Variants in SCYL2 observed in about 807,000 individuals in gnomAD.
SCYL2 encodes SCY1-like protein 2.
A neutral mutation model predicts 100.4 loss-of-function variants in SCYL2; 36 were observed. The observed-to-expected ratio is 0.36, with a 90% CI of 0.27 to 0.47. The LOEUF (loss-of-function observed/expected upper bound fraction) is 0.47, where lower values mean the gene tolerates loss of function less well. Ranked by LOEUF, SCYL2 falls within the 20% of genes least tolerant of loss-of-function variation. The pLI is 1.00. For missense variants in SCYL2, 902 were observed against 1,083.9 expected (o/e 0.83, Z 2.36); for synonymous variants, 330 against 359.2 (o/e 0.92, Z 0.92).
In SCYL2 at chr12:100,339,144, G is replaced by A. The variant is rs1952321448; in HGVS notation, c.2762G>A (p.Ser921Asn). The change falls in exon 18 of 18, where the codon AGC (serine) becomes AAC (asparagine). Residue 921 changes from serine to asparagine, a missense_variant. Ser to Asn is a conservative substitution (Grantham distance 46). Transcript: ENST00000360820. ...ACTATGACCAATAGCAGTTCAGCTA[G>A]CAATGATTTAAAAGATCTTTTTGGG... is the stretch of plus-strand genomic sequence containing the variant. ...PTTMTNSSSASNDLKDLFG is the reference protein window; with the variant it reads ...PTTMTNSSSANNDLKDLFG 19 of 1,613,162 alleles carry A rather than the reference G, an allele frequency of 1.2e-5. No homozygotes were observed. Among genetic ancestry groups the A allele is most frequent in the Non-Finnish European group, 1.4e-5 (16 of 1,179,636 alleles).
rs147018741 is a variant in SCYL2 at position 100,326,625 on chromosome 12, C to T, written c.1513C>T (p.Arg505Cys). 89 of 1,584,472 alleles carry T rather than the reference C, an allele frequency of 5.6e-5. No individual in the cohort carries two copies. The highest frequency in any genetic ancestry group is 7.2e-5 in the Non-Finnish European group (84 of 1,169,848). ...TGCAATTTACCTCTTTTAATAGGTT[C>T]GTGTAAATTCATTAGTGTGCTTAGG... is the stretch of plus-strand genomic sequence containing the variant. ...ACLQTSSLAV[R>C]VNSLVCLGKI... The change falls in exon 12 of 18, where the codon CGT (arginine) becomes TGT (cysteine). Residue 505 changes from arginine to cysteine, a missense_variant. Transcript: ENST00000360820.
intron 1 of SCYL2, among the ~76,000 whole-genome samples, chr12:100,281,587 ACTTT>A: frequency 1.3e-5 from 2 of 152,162 alleles, no homozygotes; most frequent in Non-Finnish European, 2.9e-5. Flanking sequence ...TAATCCCAGC[ACTTT>A]GGGAGTCTGA....
chr12:100,277,515 T>A (rs977837995), intron 1 of SCYL2, among the ~76,000 whole-genome samples: 2 of 152,260 alleles, frequency 1.3e-5, no homozygotes, highest in Non-Finnish European at 2.9e-5. Context: ...AAATGACTTC[T>A]TTGTCTTCAA....
chr12:100,300,274 A>G (rs938861586), intron 4 of SCYL2, among the ~76,000 whole-genome samples: 2 of 152,152 alleles, frequency 1.3e-5, no homozygotes, highest in Non-Finnish European at 1.5e-5. Flanking sequence ...TTTTCTCCCA[A>G]TCTGGCTTAT....
At chr12:100,337,548 G>T in intron 17 of SCYL2, 42 bp downstream of exon 17, 1 of 1,579,202 alleles carries the variant, frequency 6.3e-7, no homozygotes, top group Non-Finnish European at 8.7e-7. Flanking sequence ...GAATACGACT[G>T]TTAAGGAGTA....
intron 1 of SCYL2, among the ~76,000 whole-genome samples, chr12:100,278,285 C>T (rs1327941073): frequency 6.6e-6 from 1 of 152,106 alleles, no homozygotes; most frequent in East Asian, 1.9e-4. Context: ...CTGCAGCCTC[C>T]ACCTCCTGGT....
intron 13 of SCYL2, among the ~76,000 whole-genome samples, chr12:100,332,263 G>C (rs1719798144): frequency 6.6e-6 from 1 of 152,132 alleles, no homozygotes; most frequent in African/African-American, 2.4e-5. Context: ...CCTCTGCCTG[G>C]CATGTACTCA....
At chr12:100,281,099 G>C (rs2096297928) in intron 1 of SCYL2, among the ~76,000 whole-genome samples, 1 of 127,318 alleles carries the variant, frequency 7.9e-6, no homozygotes, top group African/African-American at 3.0e-5. Context: ...TGCTTTCTCA[G>C]CTCACTGCAG....
intron 1 of SCYL2, among the ~76,000 whole-genome samples, chr12:100,278,522 T>A (rs2096294801): frequency 6.6e-6 from 1 of 152,140 alleles, no homozygotes; most frequent in Non-Finnish European, 1.5e-5. Context: ...TTTTGAAAGT[T>A]TTTTCCCCAA....
At chr12:100,296,062 GAC>G (rs1675424245) in intron 3 of SCYL2, among the ~76,000 whole-genome samples, 1 of 152,184 alleles carries the variant, frequency 6.6e-6, no homozygotes, top group Non-Finnish European at 1.5e-5. Flanking sequence ...AGGGGAGAAG[GAC>G]TATCAGTTAT....
intron 3 of SCYL2, 97 bp from the exon 4 acceptor site, chr12:100,297,934 A>T (rs1238745695): frequency 1.0e-6 from 1 of 959,696 alleles, no homozygotes; most frequent in East Asian, 2.8e-5. Context: ...TTACCTTCTT[A>T]TTGATAGTTT....
In SCYL2 at chr12:100,335,702, G is replaced by C. The variant is rs769081953; in HGVS notation, c.1929+11G>C. ...AATATTGGGAATCAGGTAAGAAGCAGCTTAATTTTTGCAGAAAGTATGCTT... is the reference window on the plus strand; with the variant it reads ...AATATTGGGAATCAGGTAAGAAGCACCTTAATTTTTGCAGAAAGTATGCTT... On this transcript the variant is annotated intron_variant, in intron 15 of 17. Transcript: ENST00000360820. 6.2e-7 allele frequency: 1 copy of C among 1,608,676 alleles called. No individual in the cohort carries two copies. The highest frequency in any genetic ancestry group is 1.7e-5 in the Admixed American group (1 of 59,566).
Position 100,267,667 on chromosome 12 carries a change from G to T in SCYL2, c.-154G>T, listed in dbSNP as rs1278317858. The stretch of plus-strand genomic sequence containing the variant: ...GAGTCCTCGAAAGAGGCCTTGAGGC[G>T]ACGGGAGACCCGGGATCGAAGTCAG... On this transcript the variant is annotated 5_prime_UTR_variant, in exon 1 of 18. Transcript: ENST00000360820. 6.6e-6 allele frequency: 1 copy of T among 152,420 alleles called. No homozygotes were observed. Among genetic ancestry groups the T allele is most frequent in the Admixed American group, 6.5e-5 (1 of 15,288 alleles). 9.4% of individuals were successfully genotyped at this position (152,420 alleles called of 1,614,324 possible). A position where few individuals can be genotyped will look rare whatever the true frequency, so the allele number is the denominator to read the frequency against.
rs34959294 is a variant in SCYL2, at chr12:100,322,372, C to CAA, written c.1396-1133_1396-1132dup. On this transcript the variant is annotated intron_variant, in intron 10 of 17. Coordinates refer to ENST00000360820, the MANE Select transcript of SCYL2 (RefSeq NM_017988.6). ...TGGGCGACAGAGCGAGACTCCGTCT[C>CAA]AAAAAAAAAAAAAAAAAAAAAGAAA... is the stretch of plus-strand genomic sequence containing the variant. 2.6e-3 allele frequency among the ~76,000 whole-genome samples: 157 copies of CAA among 61,138 alleles called. 1 individual carries two copies. Among genetic ancestry groups the CAA allele is most frequent in the East Asian group, 3.8e-3 (6 of 1,594 alleles). 40.1% of individuals were successfully genotyped at this position (61,138 alleles called of 152,430 possible). A position where few individuals can be genotyped will look rare whatever the true frequency, so the allele number is the denominator to read the frequency against.
chr12:100,313,716 A>T (rs2096345024), intron 7 of SCYL2, among the ~76,000 whole-genome samples, 178 bp downstream of exon 7: 2 of 152,218 alleles, frequency 1.3e-5, no homozygotes, highest in Admixed American at 1.3e-4. Flanking sequence ...AGTGTATTAA[A>T]TATTCAATTT....
intron 9 of SCYL2, chr12:100,317,546 A>G (rs2096350390): frequency 1.4e-6 from 1 of 724,260 alleles, no homozygotes; most frequent in African/African-American, 1.8e-5. Context: ...TGGGCAAGTG[A>G]TAGATTACTG....
chr12:100,276,665 G>A (rs375860544), intron 1 of SCYL2, among the ~76,000 whole-genome samples: 4 of 152,134 alleles, frequency 2.6e-5, no homozygotes, highest in African/African-American at 7.2e-5. Flanking sequence ...TATAGCTAGA[G>A]TTTTACTGAT....
At chr12:100,313,336 T>C (rs767195293) in intron 6 of SCYL2, 86 bp from the exon 7 acceptor site, 137 of 576,130 alleles carry the variant, frequency 2.4e-4, no homozygotes, top group Non-Finnish European at 6.6e-5. Context: ...TAGTAAAATA[T>C]TGAGTAAATT....
Position 100,267,207 on chromosome 12 carries a change from C to G in SCYL2, c.-614C>G. ...TTTTCCCCCTCCCTTACTCTTCGTC[C>G]CCGGTCCCTCCCCTCCCCACCCCTT... is the stretch of plus-strand genomic sequence containing the variant. On this transcript the variant is annotated 5_prime_UTR_variant, in exon 1 of 18. Coordinates refer to ENST00000360820, the MANE Select transcript of SCYL2 (RefSeq NM_017988.6). The G allele has an allele frequency of 3.1e-6, 3 of 959,842 alleles. No homozygotes were observed. The highest frequency in any genetic ancestry group is 4.5e-6 in the Non-Finnish European group (3 of 660,778). 59.5% of individuals were successfully genotyped at this position (959,842 alleles called of 1,614,324 possible). A position where few individuals can be genotyped will look rare whatever the true frequency, so the allele number is the denominator to read the frequency against.
Sources: gnomAD v4.1 joint callset for allele counts (sites outside exome capture counted in the v4.1 genomes callset) on GRCh38, gnomAD v4.1.1 for gene constraint, MANE v1.5 for transcripts, NCBI Gene and HGNC (gene_info 2026-07-23, HGNC 2026-07-21) for gene names.